Variants in AGBL4 observed in about 807,000 individuals in gnomAD.
AGBL4 encodes the protein AGBL carboxypeptidase 4, also known as cytosolic carboxypeptidase 6.
A neutral mutation model predicts 66.4 loss-of-function variants in AGBL4; 58 were observed. The observed-to-expected ratio is 0.87, with a 90% confidence interval of 0.71 to 1.09. The LOEUF (loss-of-function observed/expected upper bound fraction) is 1.09, where lower values mean the gene tolerates loss of function less well. Ranked by LOEUF, AGBL4 falls within the 50% of genes least tolerant of loss-of-function variation. The pLI is 0.00. For missense variants in AGBL4, 579 were observed against 631.0 expected (o/e 0.92, Z 0.88); for synonymous variants, 234 against 222.9 (o/e 1.05, Z -0.44).
chr1:49,621,481 A>C (rs1396697184), intron 3 of AGBL4, among the ~76,000 whole-genome samples: 1 of 152,240 alleles, frequency 6.6e-6, no homozygotes, highest in Non-Finnish European at 1.5e-5. Flanking sequence ...GGAACAGGCT[A>C]TGACCTAATG....
chr1:49,854,580 T>C (rs1467046693), intron 1 of AGBL4, among the ~76,000 whole-genome samples: 5 of 151,830 alleles, frequency 3.3e-5, no homozygotes, highest in Admixed American at 2.0e-4. Context: ...TGAGAACTAA[T>C]CCCCCATCAG....
chr1:48,864,439 C>T (rs1177038642), intron 6 of AGBL4, among the ~76,000 whole-genome samples: 1 of 152,166 alleles, frequency 6.6e-6, no homozygotes, highest in Non-Finnish European at 1.5e-5. Flanking sequence ...GAGAAATTCT[C>T]ATACTCATAC....
intron 3 of AGBL4, among the ~76,000 whole-genome samples, chr1:49,247,972 A>G (rs1182232773): frequency 6.6e-6 from 1 of 152,174 alleles, no homozygotes; most frequent in Non-Finnish European, 1.5e-5. Context: ...CATAAAGATC[A>G]TACCTTCTCT....
At chr1:49,158,131 G>C (rs1286180047) in intron 4 of AGBL4, among the ~76,000 whole-genome samples, 1 of 152,070 alleles carries the variant, frequency 6.6e-6, no homozygotes, top group Non-Finnish European at 1.5e-5. Flanking sequence ...GCCATATGCA[G>C]AAAGCTGAAA....
intron 9 of AGBL4, among the ~76,000 whole-genome samples, chr1:48,593,226 G>C (rs901441825): frequency 1.3e-5 from 2 of 152,128 alleles, no homozygotes; most frequent in Non-Finnish European, 2.9e-5. Context: ...AAACACACAA[G>C]TGGTAGCACC....
chr1:48,821,396 T>G (rs780198044), intron 6 of AGBL4, among the ~76,000 whole-genome samples: 1 of 152,182 alleles, frequency 6.6e-6, no homozygotes, highest in Non-Finnish European at 1.5e-5. Flanking sequence ...ATATACACCA[T>G]GAAATACTAT....
chr1:48,819,199 T>C (rs1009005591), intron 6 of AGBL4, among the ~76,000 whole-genome samples: 1 of 152,194 alleles, frequency 6.6e-6, no homozygotes, highest in Non-Finnish European at 1.5e-5. Context: ...GATAAGGAGA[T>C]AAAGCATTCT....
chr1:49,831,499 G>A (rs115417530), intron 2 of AGBL4, among the ~76,000 whole-genome samples: 1,664 of 152,262 alleles, frequency 0.011, 26 homozygotes, highest in African/African-American at 0.038. Context: ...GCAAACTAAG[G>A]AGATTTGGGG....
intron 3 of AGBL4, among the ~76,000 whole-genome samples, chr1:49,526,170 G>C (rs1231458208): frequency 3.9e-5 from 6 of 151,968 alleles, no homozygotes; most frequent in Admixed American, 6.6e-5. Context: ...ACACCTACTG[G>C]ATGAACAAAT....
intron 6 of AGBL4, among the ~76,000 whole-genome samples, chr1:48,711,001 G>A (rs1393246428): frequency 6.6e-6 from 1 of 152,094 alleles, no homozygotes; most frequent in Non-Finnish European, 1.5e-5. Flanking sequence ...TCCTCTTTGG[G>A]ACACGCCTCA....
chr1:48,973,239 A>G (rs746917834), intron 5 of AGBL4, among the ~76,000 whole-genome samples: 4 of 152,162 alleles, frequency 2.6e-5, no homozygotes, highest in Non-Finnish European at 5.9e-5. Flanking sequence ...ATGCCAAGCC[A>G]TCTATTTGAA....
intron 3 of AGBL4, among the ~76,000 whole-genome samples, chr1:49,627,883 C>G (rs777471759): frequency 6.6e-6 from 1 of 152,144 alleles, no homozygotes; most frequent in Non-Finnish European, 1.5e-5. Flanking sequence ...ACCTCTGATC[C>G]ACTTTAACTC....
At chr1:48,668,519 G>A (rs1219534116) in intron 6 of AGBL4, among the ~76,000 whole-genome samples, 1 of 152,046 alleles carries the variant, frequency 6.6e-6, no homozygotes, top group Non-Finnish European at 1.5e-5. Context: ...GCACTCCATG[G>A]TTCCCAAGAC....
chr1:49,353,093 A>C (rs1643944643), intron 3 of AGBL4, among the ~76,000 whole-genome samples: 1 of 152,188 alleles, frequency 6.6e-6, no homozygotes, highest in Non-Finnish European at 1.5e-5. Context: ...CAAGACACAA[A>C]ATAATCTTAT....
intron 3 of AGBL4, among the ~76,000 whole-genome samples, chr1:49,368,944 A>G (rs1644290058): frequency 6.6e-6 from 1 of 152,022 alleles, no homozygotes; most frequent in African/African-American, 2.4e-5. Flanking sequence ...GCATGGTGGC[A>G]CACGCCTGTA....
intron 3 of AGBL4, among the ~76,000 whole-genome samples, chr1:49,418,210 G>A (rs1645469680): frequency 6.6e-6 from 1 of 152,086 alleles, no homozygotes; most frequent in Non-Finnish European, 1.5e-5. Flanking sequence ...TCAGGGACTA[G>A]GCTAAATCCA....
intron 6 of AGBL4, among the ~76,000 whole-genome samples, chr1:48,832,455 C>T (rs1646575882): frequency 6.6e-6 from 1 of 152,096 alleles, no homozygotes; most frequent in African/African-American, 2.4e-5. Flanking sequence ...CTTATTGTTG[C>T]CACAAAGTTT....
At chr1:49,241,948 C>T (rs1027290657) in intron 4 of AGBL4, among the ~76,000 whole-genome samples, 21 of 152,004 alleles carry the variant, frequency 1.4e-4, no homozygotes, top group African/African-American at 4.8e-4. Flanking sequence ...TTTCTTCCAC[C>T]CGGAATCCCA....
chr1:49,370,108 TATATA>T (rs201629844), intron 3 of AGBL4, among the ~76,000 whole-genome samples: 1,657 of 144,352 alleles, frequency 0.011, 29 homozygotes, highest in African/African-American at 0.039. Context: ...ATAATTACAA[TATATA>T]ATATATTATT....
Sources: allele counts gnomAD v4.1 joint callset (sites outside exome capture counted in the v4.1 genomes callset), GRCh38; gene constraint gnomAD v4.1.1; transcripts MANE v1.5; gene names NCBI Gene and HGNC (gene_info 2026-07-23, HGNC 2026-07-21).